The following NRL variants were observed in gnomAD, a reference collection of about 807,000 sequenced individuals.
NRL encodes neural retina leucine zipper.
Under a neutral mutation model 12.5 loss-of-function variants are expected in NRL, and 16 were observed. The observed-to-expected ratio is 1.28, with a 90% CI of 0.87 to 1.95. The LOEUF (loss-of-function observed/expected upper bound fraction) is 1.95. Among genes scored for constraint, NRL ranks in the 30% most tolerant of loss-of-function variants. The pLI, the probability that NRL is intolerant of heterozygous loss-of-function variation, is 0.00. For missense variants in NRL, 314 were observed against 325.8 expected (o/e 0.96, Z 0.28); for synonymous variants, 142 against 150.9 (o/e 0.94, Z 0.43).
intron 1 of NRL, among the ~76,000 whole-genome samples, chr14:24,111,373 A>G (rs2037416629): frequency 6.6e-6 from 1 of 151,362 alleles, no homozygotes; most frequent in Admixed American, 6.6e-5. Flanking sequence ...TGGTTGGTTG[A>G]TTGTTTTTTG....
In NRL at chr14:24,085,795, C is replaced by G. The variant is rs1012309497; in HGVS notation, c.-27-2920G>C. Among the ~76,000 whole-genome samples the G allele has an allele frequency of 6.6e-6, 1 of 152,226 alleles. No homozygotes were observed. The highest frequency in any genetic ancestry group is 1.5e-5 in the Non-Finnish European group (1 of 68,036). ...GGTTTCTGAAGTGTGGTCCCCAGAG[C>G]AGCAGCATCCATATCACCTGGGAAC... On this transcript the variant is annotated intron_variant, in intron 1 of 2. Transcript: ENST00000561028. The surrounding 1 kb of genome is among the most constrained non-coding windows in gnomAD (Gnocchi z 4.1).
At chr14:24,096,995 C>T (rs765232506) in intron 1 of NRL, 14 of 1,613,158 alleles carry the variant, frequency 8.7e-6, no homozygotes, top group Admixed American at 8.3e-5. Context: ...CACTGGCATT[C>T]GAGATTTTGT....
chr14:24,113,297 G>A (rs1594326124), intron 1 of NRL, among the ~76,000 whole-genome samples: 1 of 105,196 alleles, frequency 9.5e-6, no homozygotes, highest in East Asian at 3.0e-4. Context: ...CGTTAGTGGT[G>A]CAGCGCACCA....
chr14:24,103,488 A>T (rs2037249269), intron 1 of NRL: 2 of 1,530,266 alleles, frequency 1.3e-6, no homozygotes, highest in Non-Finnish European at 1.8e-6. Context: ...AAGATTCCTT[A>T]CCCATCTTGC....
chr14:24,093,686 A>G lies in NRL; in HGVS notation c.-27-10811T>C, dbSNP rs985067696. On this transcript the variant is annotated intron_variant, in intron 1 of 2. Transcript: ENST00000561028. ...TGACAGAGTAAGACTCCGTCAGGGGAAGAGGGGATGTGCCGGGGGAGGAGA... is the reference window on the plus strand; with the variant it reads ...TGACAGAGTAAGACTCCGTCAGGGGGAGAGGGGATGTGCCGGGGGAGGAGA... Among the ~76,000 whole-genome samples, 32 of 152,132 alleles carry G rather than the reference A, an allele frequency of 2.1e-4. 1 individual carries two copies. The highest frequency in any genetic ancestry group is 6.7e-4 in the African/African-American group (28 of 41,482).
intron 1 of NRL, chr14:24,103,853 A>T (rs1410422381): frequency 6.2e-7 from 1 of 1,614,020 alleles, no homozygotes; most frequent in Admixed American, 1.7e-5. Flanking sequence ...ACTTCTGGGA[A>T]CAGGAGGTTC....
chr14:24,090,273 G>C lies in NRL; in HGVS notation c.-27-7398C>G, dbSNP rs1422062514. Among the ~76,000 whole-genome samples, 18 of 130,930 alleles carry C rather than the reference G, an allele frequency of 1.4e-4. 1 individual carries two copies. The highest frequency in any genetic ancestry group is 5.3e-4 in the East Asian group (2 of 3,752). 85.9% of individuals were successfully genotyped at this position (130,930 alleles called of 152,430 possible). A position where few individuals can be genotyped will look rare whatever the true frequency, so the allele number is the denominator to read the frequency against. On this transcript the variant is annotated intron_variant, in intron 1 of 2. Transcript: ENST00000561028. ...TGTGCAGGTGGTTTACTCGGGGGGG[G>C]GGGGGGGGCACGGGGGGGGACTTTC...
chr14:24,100,573 AT>A (rs931498788), intron 1 of NRL: 1,766 of 1,047,596 alleles, frequency 1.7e-3, no homozygotes, highest in East Asian at 2.7e-3. Context: ...TACAGGCTGG[AT>A]TTTTTTTTAA....
intron 1 of NRL, among the ~76,000 whole-genome samples, chr14:24,095,718 G>C (rs1034323294): frequency 6.6e-6 from 1 of 152,128 alleles, no homozygotes; most frequent in Admixed American, 6.6e-5. Flanking sequence ...TTGCTCTCTC[G>C]GGTTTACTCC....
At chr14:24,082,416 A>C (rs2036339838) in intron 2 of NRL, 52 bp downstream of exon 2, 6 of 1,608,666 alleles carry the variant, frequency 3.7e-6, no homozygotes, top group Non-Finnish European at 4.2e-6. Context: ...TCTCTTGGGC[A>C]GTCCTCCTTC....
At chr14:24,086,434 C>G (rs925524924) in intron 1 of NRL, among the ~76,000 whole-genome samples, 4 of 152,160 alleles carry the variant, frequency 2.6e-5, no homozygotes, top group African/African-American at 9.7e-5. Flanking sequence ...ACCATCGTCA[C>G]CATTCAAGCT....
At chr14:24,103,923 G>C in intron 1 of NRL, 1 of 1,614,114 alleles carries the variant, frequency 6.2e-7, no homozygotes, top group Non-Finnish European at 8.5e-7. Flanking sequence ...AGAGGTGTTG[G>C]CTGAGCTTGA....
chr14:24,100,591 G>A (rs2037124404), intron 1 of NRL: 2 of 1,082,146 alleles, frequency 1.8e-6, no homozygotes, highest in African/African-American at 3.3e-5. Context: ...TTAATGAAAG[G>A]AAAAGGAAGG....
intron 1 of NRL, among the ~76,000 whole-genome samples, chr14:24,098,000 G>T (rs968465693): frequency 6.6e-5 from 10 of 151,966 alleles, no homozygotes; most frequent in African/African-American, 2.4e-4. Context: ...CTTTTGCCAG[G>T]GGCAGAGACC....
chr14:24,087,439 G>A (rs776013073), intron 1 of NRL, among the ~76,000 whole-genome samples: 4 of 152,138 alleles, frequency 2.6e-5, no homozygotes, highest in Non-Finnish European at 5.9e-5. Context: ...GCAGGCAAAG[G>A]GCCTGCAGGA....
intron 1 of NRL, chr14:24,100,663 T>C: frequency 1.2e-6 from 1 of 811,136 alleles, no homozygotes; most frequent in South Asian, 5.3e-5. Flanking sequence ...GTTTGGCCCA[T>C]TAGGAAAAGA....
At chr14:24,098,582 A>T (rs781436118) in intron 1 of NRL, 1 of 1,614,158 alleles carries the variant, frequency 6.2e-7, no homozygotes, top group Non-Finnish European at 8.5e-7. Flanking sequence ...AAGCATGCGT[A>T]TTATGACCCG....
At position 24,082,646 on chromosome 14, in the gene NRL, C is replaced by A; in HGVS notation, c.203G>T (p.Gly68Val). Reference sequence around the variant, plus strand: ...AGCCAGCCAGTACAGCTCCTCCAGGCCTGGCCGGGTGCCCTCGGTTGCCCC... The same window carrying A: ...AGCCAGCCAGTACAGCTCCTCCAGGACTGGCCGGGTGCCCTCGGTTGCCCC... ...MVGATEGTRPGLEELYWLATL... is the reference protein window; with the variant it reads ...MVGATEGTRPVLEELYWLATL... The change falls in exon 2 of 3, where the codon GGC becomes GTC. Residue 68 changes from glycine (G) to valine (V), a missense_variant. Coordinates refer to ENST00000561028, the MANE Select transcript of NRL (RefSeq NM_001354768.3). 1.2e-6 allele frequency: 2 copies of A among 1,614,062 alleles called. No homozygotes were observed. The highest frequency in any genetic ancestry group is 1.7e-6 in the Non-Finnish European group (2 of 1,180,022).
At chr14:24,103,241 C>CA in intron 1 of NRL, 2 of 1,613,238 alleles carry the variant, frequency 1.2e-6, no homozygotes, top group Non-Finnish European at 1.7e-6. Flanking sequence ...TCCACTGCTG[C>CA]AGCAGAACAC....
Sources: allele counts gnomAD v4.1 joint callset (sites outside exome capture counted in the v4.1 genomes callset), GRCh38; gene constraint gnomAD v4.1.1; non-coding constraint Gnocchi (gnomAD v3.1); transcripts MANE v1.5; gene names NCBI Gene and HGNC (gene_info 2026-07-23, HGNC 2026-07-21).